Variants in MTUS2 observed in about 807,000 individuals in gnomAD.
The protein encoded by MTUS2 is microtubule associated scaffold protein 2, also known as microtubule-associated tumor suppressor candidate 2.
MTUS2 carries 40 observed loss-of-function variants against 114.1 expected under a neutral mutation model. That is an observed-to-expected ratio of 0.35 (90% confidence interval 0.27 to 0.46). The LOEUF (loss-of-function observed/expected upper bound fraction) is 0.46. MTUS2 is among the 20% of genes least tolerant of loss of function. The pLI is 1.00. For missense variants in MTUS2, 1,679 were observed against 1,705.4 expected (o/e 0.98, Z 0.27); for synonymous variants, 688 against 672.0 (o/e 1.02, Z -0.37).
chr13:29,320,234 G>A (rs1039148169), intron 6 of MTUS2, among the ~76,000 whole-genome samples: 3 of 152,180 alleles, frequency 2.0e-5, no homozygotes, highest in African/African-American at 7.2e-5. Flanking sequence ...TGGGAGAAGG[G>A]GCCACCAGCC....
At chr13:29,424,217 A>G (rs1876338324) in intron 8 of MTUS2, among the ~76,000 whole-genome samples, 1 of 152,132 alleles carries the variant, frequency 6.6e-6, no homozygotes, top group Non-Finnish European at 1.5e-5. Context: ...AAGATTTAGA[A>G]TGTTCCCAAC....
chr13:28,944,281 A>G (rs901373308), intron 2 of MTUS2, among the ~76,000 whole-genome samples: 1 of 152,188 alleles, frequency 6.6e-6, no homozygotes, highest in Non-Finnish European at 1.5e-5. Context: ...AATGTAAACT[A>G]TAGTCACTTG....
intron 5 of MTUS2, among the ~76,000 whole-genome samples, chr13:29,101,637 CAA>C (rs1189553640): frequency 6.6e-6 from 1 of 152,170 alleles, no homozygotes; most frequent in Admixed American, 6.5e-5. Flanking sequence ...CTTTGATGAC[CAA>C]ACCCCATCTC....
chr13:28,829,738 G>C (rs1486503158), intron 1 of MTUS2, among the ~76,000 whole-genome samples: 1 of 152,204 alleles, frequency 6.6e-6, no homozygotes, highest in Non-Finnish European at 1.5e-5. Flanking sequence ...TAACCTCTCA[G>C]CTGCCTGAGG....
At chr13:28,858,267 T>C (rs1382445267) in intron 2 of MTUS2, among the ~76,000 whole-genome samples, 4 of 152,152 alleles carry the variant, frequency 2.6e-5, no homozygotes, top group Non-Finnish European at 5.9e-5. Context: ...TATGTAAGTG[T>C]ATTATACTGG....
chr13:29,103,989 A>AG (rs1417245263), intron 5 of MTUS2, among the ~76,000 whole-genome samples: 2 of 151,304 alleles, frequency 1.3e-5, no homozygotes, highest in African/African-American at 4.9e-5. Context: ...CTGGGTCCTG[A>AG]GGGGCAAGTG....
chr13:28,997,410 C>T (rs1885163877), intron 2 of MTUS2, among the ~76,000 whole-genome samples: 1 of 152,004 alleles, frequency 6.6e-6, no homozygotes, highest in Admixed American at 6.5e-5. Flanking sequence ...TTAGGTCTGC[C>T]TGGTGCAGAG....
At chr13:29,216,726 A>G (rs1895698045) in intron 5 of MTUS2, among the ~76,000 whole-genome samples, 1 of 152,162 alleles carries the variant, frequency 6.6e-6, no homozygotes. Flanking sequence ...TGAACCGGGT[A>G]TTTCAGTTGG....
chr13:29,147,320 A>G (rs138789729), intron 5 of MTUS2, among the ~76,000 whole-genome samples: 289 of 152,366 alleles, frequency 1.9e-3, no homozygotes, highest in African/African-American at 6.7e-3. Flanking sequence ...TTTAGCAGTC[A>G]TAAGTATCTG....
At chr13:29,007,222 A>G (rs1173711378) in intron 2 of MTUS2, among the ~76,000 whole-genome samples, 2 of 152,216 alleles carry the variant, frequency 1.3e-5, no homozygotes, top group Non-Finnish European at 2.9e-5. Context: ...GTATCATAAG[A>G]AAACAGTTGT....
intron 2 of MTUS2, among the ~76,000 whole-genome samples, chr13:28,932,429 A>G (rs73161876): frequency 0.084 from 12,745 of 152,258 alleles, 597 homozygotes; most frequent in South Asian, 0.13. Flanking sequence ...AGATTTTGGT[A>G]TCTGTGGGGG....
At chr13:29,081,874 C>T (rs942090419) in intron 4 of MTUS2, among the ~76,000 whole-genome samples, 2 of 152,158 alleles carry the variant, frequency 1.3e-5, no homozygotes, top group African/African-American at 2.4e-5. Context: ...TGTCAGACTA[C>T]TGGCAATGAC....
In MTUS2 at chr13:29,106,147, C is replaced by T. The variant is rs148690293; in HGVS notation, c.2644+5177C>T. Among the ~76,000 whole-genome samples the T allele has an allele frequency of 3.6e-3, 545 of 152,270 alleles. 1 individual carries two copies. Among genetic ancestry groups the T allele is most frequent in the Middle Eastern group, 0.014 (4 of 294 alleles). ...ATGCTCATATCTGTATCTCTAGCTC[C>T]GATGTCCCTCTAGAACTACTCACCT... On this transcript the variant is annotated intron_variant, in intron 5 of 15. Coordinates refer to ENST00000612955, the MANE Select transcript of MTUS2 (RefSeq NM_001033602.4).
At chr13:29,378,409 C>G (rs953909461) in intron 8 of MTUS2, among the ~76,000 whole-genome samples, 4 of 152,124 alleles carry the variant, frequency 2.6e-5, no homozygotes, top group East Asian at 3.9e-4. Flanking sequence ...GAGGGTCTCA[C>G]TTGTTTGTGG....
intron 2 of MTUS2, among the ~76,000 whole-genome samples, chr13:28,941,875 C>T (rs1194897878): frequency 6.6e-6 from 1 of 152,166 alleles, no homozygotes; most frequent in East Asian, 1.9e-4. Flanking sequence ...GGTTTTCTAA[C>T]ACTATGCATT....
intron 4 of MTUS2, among the ~76,000 whole-genome samples, chr13:29,053,385 T>C (rs1442575718): frequency 6.6e-6 from 1 of 152,166 alleles, no homozygotes. Context: ...ATGTTGTTTA[T>C]CAGCAAGATG....
intron 6 of MTUS2, among the ~76,000 whole-genome samples, chr13:29,315,586 C>CTG (rs1899955044): frequency 6.6e-6 from 1 of 152,184 alleles, no homozygotes; most frequent in Admixed American, 6.5e-5. Flanking sequence ...ATGTCCCTAT[C>CTG]TGTGTCATTG....
chr13:29,208,804 T>C lies in MTUS2; in HGVS notation c.2645-72900T>C, dbSNP rs149922806. On this transcript the variant is annotated intron_variant, in intron 5 of 15. Transcript: ENST00000612955. ...CTGTGGTCTGAGAGAGTACTTGATA[T>C]AACTTCAATTTTCTGAAATTTATTG... Among the ~76,000 whole-genome samples, 142 of 152,310 alleles carry C rather than the reference T, an allele frequency of 9.3e-4. No homozygotes were observed. The East Asian group carries it at 0.023, about 24-fold the overall frequency.
intron 5 of MTUS2, among the ~76,000 whole-genome samples, chr13:29,273,941 G>T (rs1238852843): frequency 2.0e-5 from 3 of 152,116 alleles, no homozygotes; most frequent in Non-Finnish European, 4.4e-5. Flanking sequence ...GGCCATTTGG[G>T]TAGTTTTCAC....
Sources: allele counts gnomAD v4.1 joint callset (sites outside exome capture counted in the v4.1 genomes callset), GRCh38; gene constraint gnomAD v4.1.1; transcripts MANE v1.5; gene names NCBI Gene and HGNC (gene_info 2026-07-23, HGNC 2026-07-21).